The following PRKD1 variants were observed in gnomAD, a reference collection of about 807,000 sequenced individuals.
PRKD1 encodes serine/threonine-protein kinase D1.
A neutral mutation model predicts 95.9 loss-of-function variants in PRKD1; 63 were observed. That is an observed-to-expected ratio of 0.66 (90% CI 0.54 to 0.81). The LOEUF (loss-of-function observed/expected upper bound fraction) is 0.81, where lower values mean the gene tolerates loss of function less well. Ranked by LOEUF, PRKD1 falls within the 30% of genes least tolerant of loss-of-function variation. The pLI is 0.00. For synonymous variants in PRKD1, 425 were observed against 423.1 expected, an observed-to-expected ratio of 1.00 and a Z score of -0.05; for missense variants, 1,048 against 1,165.3, an observed-to-expected ratio of 0.90 and a Z score of 1.47.
chr14:29,717,973 AACC>A (rs1300959245), intron 2 of PRKD1, among the ~76,000 whole-genome samples: 2 of 152,162 alleles, frequency 1.3e-5, no homozygotes, highest in Non-Finnish European at 2.9e-5. Context: ...GGAGATAAAT[AACC>A]AAGAAAACTA....
intron 1 of PRKD1, among the ~76,000 whole-genome samples, chr14:29,752,557 T>C (rs1430726952): frequency 6.6e-6 from 1 of 150,488 alleles, no homozygotes; most frequent in Non-Finnish European, 1.5e-5. Flanking sequence ...AAATATTTAT[T>C]ATTATATCCA....
chr14:29,597,885 T>A, intron 15 of PRKD1, 127 bp from the exon 16 acceptor site: 3 of 1,014,392 alleles, frequency 3.0e-6, no homozygotes, highest in Admixed American at 6.1e-5. Flanking sequence ...GATATGGATT[T>A]CTTAAAGTAA....
chr14:29,624,293 T>C (rs750098111), intron 12 of PRKD1, 35 bp from the exon 13 acceptor site: 17 of 1,457,818 alleles, frequency 1.2e-5, no homozygotes, highest in Admixed American at 1.8e-5. Context: ...TAGTAAGTTA[T>C]TAAATATCAT....
At chr14:29,598,980 G>T in intron 15 of PRKD1, 47 bp downstream of exon 15, 2 of 1,438,038 alleles carry the variant, frequency 1.4e-6, no homozygotes. Flanking sequence ...ATGGAAGCTA[G>T]CAATGCTTCC....
At chr14:29,740,511 C>A (rs1886939702) in intron 1 of PRKD1, among the ~76,000 whole-genome samples, 1 of 152,160 alleles carries the variant, frequency 6.6e-6, no homozygotes, top group Non-Finnish European at 1.5e-5. Flanking sequence ...TTGAATTTTA[C>A]TGCTTGATCT....
chr14:29,596,605 C>G (rs1402275242), intron 16 of PRKD1, among the ~76,000 whole-genome samples: 4 of 152,204 alleles, frequency 2.6e-5, no homozygotes, highest in Non-Finnish European at 5.9e-5. Flanking sequence ...AGGCACGTGC[C>G]ACCACGCTCA....
chr14:29,672,352 A>AT (rs1179954597), intron 2 of PRKD1, among the ~76,000 whole-genome samples: 274 of 147,992 alleles, frequency 1.9e-3, no homozygotes, highest in African/African-American at 6.7e-3. Context: ...AAAAAAAAAT[A>AT]AAATAAAATA....
intron 1 of PRKD1, among the ~76,000 whole-genome samples, chr14:29,857,638 C>T (rs1025473882): frequency 6.6e-6 from 1 of 152,190 alleles, no homozygotes; most frequent in African/African-American, 2.4e-5. Flanking sequence ...ATGTCTCATT[C>T]ATACACTTAG....
intron 2 of PRKD1, among the ~76,000 whole-genome samples, chr14:29,668,477 A>G (rs773516283): frequency 1.3e-5 from 2 of 152,192 alleles, no homozygotes; most frequent in Non-Finnish European, 2.9e-5. Flanking sequence ...TATTTGCTCT[A>G]TTCACAGCCT....
At chr14:29,878,345 A>G (rs1385014520) in intron 1 of PRKD1, among the ~76,000 whole-genome samples, 1 of 150,526 alleles carries the variant, frequency 6.6e-6, no homozygotes, top group African/African-American at 2.4e-5. Context: ...TAATGACAAA[A>G]AAAAAAAAAA....
chr14:29,792,441 T>G (rs552938286), intron 1 of PRKD1, among the ~76,000 whole-genome samples: 7 of 152,268 alleles, frequency 4.6e-5, no homozygotes, highest in African/African-American at 1.7e-4. Flanking sequence ...GTTAACACTG[T>G]GAACATTTCA....
At chr14:29,899,710 C>T (rs373979901) in intron 1 of PRKD1, among the ~76,000 whole-genome samples, 77 of 152,290 alleles carry the variant, frequency 5.1e-4, no homozygotes, top group African/African-American at 1.7e-3. Context: ...CCTTAAATTA[C>T]AACCTCAGTA....
intron 2 of PRKD1, among the ~76,000 whole-genome samples, chr14:29,697,109 C>T (rs1404864205): frequency 6.6e-6 from 1 of 151,454 alleles, no homozygotes; most frequent in Non-Finnish European, 1.5e-5. Context: ...ATCACATCTA[C>T]AGGTCCTATC....
chr14:29,706,603 T>G (rs1348071314), intron 2 of PRKD1, among the ~76,000 whole-genome samples: 1 of 152,178 alleles, frequency 6.6e-6, no homozygotes, highest in Non-Finnish European at 1.5e-5. Context: ...TTGCCAGATG[T>G]TGCACAAGGC....
chr14:29,787,401 G>A (rs1184996091), intron 1 of PRKD1, among the ~76,000 whole-genome samples: 2 of 151,882 alleles, frequency 1.3e-5, no homozygotes, highest in African/African-American at 4.8e-5. Flanking sequence ...TTTCACTCTA[G>A]ATGATCTTTC....
intron 1 of PRKD1, among the ~76,000 whole-genome samples, chr14:29,874,148 G>C (rs1367559969): frequency 6.6e-6 from 1 of 152,130 alleles, no homozygotes; most frequent in African/African-American, 2.4e-5. Context: ...TCAGCTTTGA[G>C]TTTTAGCTGA....
intron 1 of PRKD1, among the ~76,000 whole-genome samples, chr14:29,794,817 G>A (rs904210756): frequency 2.0e-5 from 3 of 152,018 alleles, no homozygotes; most frequent in Non-Finnish European, 4.4e-5. Flanking sequence ...CCAAAAGATA[G>A]AATCAAAGGT....
At chr14:29,892,032 T>C (rs1193858468) in intron 1 of PRKD1, among the ~76,000 whole-genome samples, 5 of 152,206 alleles carry the variant, frequency 3.3e-5, no homozygotes, top group African/African-American at 1.2e-4. Context: ...GTGACTCCAC[T>C]TTGGCATAAA....
At chr14:29,581,891 T>C (rs1037615805) in intron 16 of PRKD1, among the ~76,000 whole-genome samples, 13 of 152,196 alleles carry the variant, frequency 8.5e-5, no homozygotes, top group Non-Finnish European at 1.2e-4. Flanking sequence ...TTTCTGACTC[T>C]ATCACAAAAC....
Sources: allele counts gnomAD v4.1 joint callset (sites outside exome capture counted in the v4.1 genomes callset), GRCh38; gene constraint gnomAD v4.1.1; transcripts MANE v1.5; gene names NCBI Gene and HGNC (gene_info 2026-07-23, HGNC 2026-07-21).